The following DEFB119 variants were observed in gnomAD, a reference collection of about 807,000 sequenced individuals.
DEFB119 encodes beta-defensin 119.
In DEFB119, 3 loss-of-function variants were observed where a neutral mutation model predicts 2.5. That is an observed-to-expected ratio of 1.19 (90% CI 0.54 to 3.07). The LOEUF (loss-of-function observed/expected upper bound fraction) is 3.07, where lower values mean the gene tolerates loss of function less well. Ranked by LOEUF, DEFB119 falls within the 30% of genes most tolerant of loss-of-function variation. The pLI is 0.03. For synonymous variants in DEFB119, 29 were observed against 33.7 expected, an observed-to-expected ratio of 0.86 and a Z score of 0.48; for missense variants, 113 against 101.1, an observed-to-expected ratio of 1.12 and a Z score of -0.50.
At position 31,378,394 on chromosome 20, in the gene DEFB119, G is replaced by T. The variant is rs371214382; in HGVS notation, c.62-955C>A. 5.0e-6 allele frequency: 8 copies of T among 1,613,908 alleles called. No individual in the cohort carries two copies. The South Asian group carries it at 8.8e-5, about 18-fold the overall frequency. Reference sequence around the variant, plus strand: ...GCATCCCACTGTCCTCACCAGAGCTGTATCAGAGGAGACAAGCCAACAAAG... The same window carrying T: ...GCATCCCACTGTCCTCACCAGAGCTTTATCAGAGGAGACAAGCCAACAAAG... On this transcript the variant is annotated intron_variant, in intron 1 of 1. Transcript: ENST00000376321.
intron 1 of DEFB119, among the ~76,000 whole-genome samples, chr20:31,389,967 C>T (rs73108007): frequency 0.12 from 18,778 of 152,086 alleles, 1,557 homozygotes; most frequent in Non-Finnish European, 0.17. Flanking sequence ...TCAACACCAG[C>T]TCCACTCAAC....
chr20:31,380,026 T>C (rs936806487), intron 1 of DEFB119, among the ~76,000 whole-genome samples: 2 of 152,264 alleles, frequency 1.3e-5, no homozygotes, highest in South Asian at 2.1e-4. Flanking sequence ...GTCAGATATA[T>C]GGTTTGAAAA....
At chr20:31,383,664 G>A (rs1390164492) in intron 1 of DEFB119, among the ~76,000 whole-genome samples, 1 of 151,470 alleles carries the variant, frequency 6.6e-6, no homozygotes. Flanking sequence ...TGAAACCCCT[G>A]AAACCCCATC....
At chr20:31,389,325 A>T in intron 1 of DEFB119, 15 of 1,545,802 alleles carry the variant, frequency 9.7e-6, no homozygotes, top group Non-Finnish European at 1.3e-5. Context: ...ACAGGGAAGA[A>T]GAGAAGAAAG....
At chr20:31,388,355 C>T (rs1986789852) in intron 1 of DEFB119, 10 of 964,332 alleles carry the variant, frequency 1.0e-5, no homozygotes, top group Non-Finnish European at 1.2e-5. Context: ...ATCCTTACTG[C>T]AATCCTGAAA....
At chr20:31,389,381 A>G in intron 1 of DEFB119, 1 of 1,001,930 alleles carries the variant, frequency 1.0e-6, no homozygotes, top group Non-Finnish European at 1.4e-6. Context: ...AAAAGAGAGA[A>G]GAGACCTTGA....
intron 1 of DEFB119, among the ~76,000 whole-genome samples, chr20:31,379,368 A>G (rs541638772): frequency 6.6e-6 from 1 of 152,352 alleles, no homozygotes; most frequent in South Asian, 2.1e-4. Context: ...TAGTCTTTAT[A>G]TGCATTTCCC....
At chr20:31,385,392 A>C (rs1986658196) in intron 1 of DEFB119, among the ~76,000 whole-genome samples, 2 of 148,354 alleles carry the variant, frequency 1.3e-5, no homozygotes, top group Non-Finnish European at 3.0e-5. Context: ...AAAAAAAAAA[A>C]CACAGTTTGA....
intron 1 of DEFB119, among the ~76,000 whole-genome samples, chr20:31,377,949 C>T (rs553301474): frequency 4.6e-5 from 7 of 152,348 alleles, no homozygotes; most frequent in African/African-American, 1.7e-4. Flanking sequence ...TACACTCCCA[C>T]TCATACATCC....
At chr20:31,389,739 C>T (rs1375201460) in intron 1 of DEFB119, among the ~76,000 whole-genome samples, 1 of 152,098 alleles carries the variant, frequency 6.6e-6, no homozygotes, top group African/African-American at 2.4e-5. Flanking sequence ...CAAACTCAAA[C>T]TCATTCAGGC....
chr20:31,377,336 G>C lies in DEFB119; in HGVS notation c.165C>G (p.Cys55Trp). Reference protein sequence around the residue: ...PYLYCRNCQSCCLQSYMRISI... With the variant: ...PYLYCRNCQSWCLQSYMRISI... ...TTATCCTCATGTAGGACTGGAGGCA[G>C]CAGGACTGACAATTTCTGCAATAGA... is the stretch of plus-strand genomic sequence containing the variant. The change falls in exon 2 of 2, where the codon TGC (cysteine) becomes TGG (tryptophan). Residue 55 changes from cysteine (C) to tryptophan (W), a missense_variant. By Grantham distance (215) the Cys-to-Trp change is radical. Coordinates refer to ENST00000376321, the MANE Select transcript of DEFB119 (RefSeq NM_153289.4). The C allele has an allele frequency of 6.2e-7, 1 of 1,614,190 alleles. No individual in the cohort carries two copies.
intron 1 of DEFB119, 65 bp downstream of exon 1, chr20:31,390,358 G>A: frequency 1.4e-6 from 2 of 1,469,502 alleles, no homozygotes; most frequent in Middle Eastern, 1.7e-4. Flanking sequence ...CCCACAGTGA[G>A]AGGGAAGGGA....
intron 1 of DEFB119, among the ~76,000 whole-genome samples, chr20:31,378,941 CTTTT>C (rs56082233): frequency 7.0e-6 from 1 of 143,568 alleles, no homozygotes; most frequent in Admixed American, 6.9e-5. Flanking sequence ...AAAGTGGACA[CTTTT>C]TTTTTTTTTT....
chr20:31,385,861 C>T (rs1485956060), intron 1 of DEFB119, among the ~76,000 whole-genome samples: 1 of 146,158 alleles, frequency 6.8e-6, no homozygotes, highest in South Asian at 2.1e-4. Flanking sequence ...CCAAGCAAGA[C>T]CGTGTCTCAA....
At chr20:31,384,941 C>T (rs1300471839) in intron 1 of DEFB119, among the ~76,000 whole-genome samples, 2 of 152,028 alleles carry the variant, frequency 1.3e-5, no homozygotes, top group Non-Finnish European at 2.9e-5. Context: ...CAGAAGACAC[C>T]ATCCCAACTG....
In DEFB119 at chr20:31,377,403, C is replaced by T; in HGVS notation, c.98G>A (p.Gly33Glu). Residue 33 changes from glycine (G) to glutamate (E), a missense_variant, in exon 2 of 2, where the codon GGA becomes GAA. Transcript: ENST00000376321. Reference protein sequence around the residue: ...RHILRCMGNSGICRASCKKNE... With the variant: ...RHILRCMGNSEICRASCKKNE... ...CTTTTTGCAAGAGGCCCTACAAATT[C>T]CACTGTTACCCATGCATCGAAGGAT... The T allele has an allele frequency of 6.2e-7, 1 of 1,613,448 alleles. No homozygotes were observed. The highest frequency in any genetic ancestry group is 8.5e-7 in the Non-Finnish European group (1 of 1,179,800).
At chr20:31,378,318 G>T (rs1311786966) in intron 1 of DEFB119, 14 of 1,614,094 alleles carry the variant, frequency 8.7e-6, no homozygotes, top group Non-Finnish European at 1.2e-5. Flanking sequence ...AACCAAGGCA[G>T]TACCAGAGGA....
intron 1 of DEFB119, among the ~76,000 whole-genome samples, chr20:31,388,523 T>C (rs938617078): frequency 1.3e-5 from 2 of 152,202 alleles, no homozygotes; most frequent in African/African-American, 2.4e-5. Flanking sequence ...AATTCATATA[T>C]AAATAAGCAA....
At chr20:31,386,836 CG>C (rs1202592166) in intron 1 of DEFB119, among the ~76,000 whole-genome samples, 1 of 95,714 alleles carries the variant, frequency 1.0e-5, no homozygotes, top group Non-Finnish European at 1.9e-5. Flanking sequence ...TTTTTTGAGA[CG>C]GAGTCTCGCT....
Sources: gnomAD v4.1 joint callset for allele counts (sites outside exome capture counted in the v4.1 genomes callset) on GRCh38, gnomAD v4.1.1 for gene constraint, MANE v1.5 for transcripts, NCBI Gene and HGNC (gene_info 2026-07-23, HGNC 2026-07-21) for gene names.